Variants in LRATD1 observed in about 807,000 individuals in gnomAD.
LRATD1 encodes the protein protein LRATD1.
In LRATD1, 8 loss-of-function variants were observed where a neutral mutation model predicts 21.3. The ratio of observed to expected loss-of-function variants is 0.38; its 90% CI spans 0.22 to 0.68. The LOEUF is 0.68. LRATD1 is among the 30% of genes least tolerant of loss of function. The probability of loss-of-function intolerance (pLI) is 0.54; values close to 1 mark genes in which losing one functional copy is unlikely to be tolerated. For missense variants in LRATD1, 380 were observed against 404.0 expected (o/e 0.94, Z 0.51); for synonymous variants, 210 against 186.2 (o/e 1.13, Z -1.04).
chr2:14,637,497 T>G lies in LRATD1; in HGVS notation c.*2639T>G, dbSNP rs1035253090. ...CTATATTGGCCTATAAAGGATCAGG[T>G]TGATGATAATACCTCTAAAAATATG... On this transcript the variant is annotated 3_prime_UTR_variant, in exon 2 of 2. Coordinates refer to ENST00000295092, the MANE Select transcript of LRATD1 (RefSeq NM_145175.4). The G allele has an allele frequency of 1.2e-5, 2 of 166,956 alleles. No homozygotes were observed. Among genetic ancestry groups the G allele is most frequent in the African/African-American group, 4.8e-5 (2 of 41,460 alleles). The allele number at this position is 166,956 out of a possible 1,614,324, so 10.3% of individuals were successfully genotyped here.
In LRATD1 at chr2:14,638,069, AAAAAG is replaced by A. The variant is rs1343188049; in HGVS notation, c.*3218_*3222del. On this transcript the variant is annotated 3_prime_UTR_variant, in exon 2 of 2. Coordinates refer to ENST00000295092, the MANE Select transcript of LRATD1 (RefSeq NM_145175.4). The stretch of plus-strand genomic sequence containing the variant: ...AAACAAACTATGATTTAAAAAAAGA[AAAAAG>A]AAAAGACAGGTACTTTTACTTCAAA... 2 of 166,964 alleles carry A rather than the reference AAAAAG, an allele frequency of 1.2e-5. No individual in the cohort carries two copies. Among genetic ancestry groups the A allele is most frequent in the African/African-American group, 4.8e-5 (2 of 41,412 alleles). 10.3% of individuals were successfully genotyped at this position (166,964 alleles called of 1,614,324 possible). A position where few individuals can be genotyped will look rare whatever the true frequency, so the allele number is the denominator to read the frequency against.
exon 5 of LRATD1, chr2:14,649,373 A>ACTCCTTGTATTGCAACT (rs1671962067): frequency 4.4e-6 from 2 of 456,034 alleles, no homozygotes; most frequent in Admixed American, 4.7e-5. Flanking sequence ...CCAACCACCA[A>ACTCCTTGTATTGCAACT]CTCCTTGTAT....
Position 14,634,694 on chromosome 2 carries a change from C to G in LRATD1, c.715C>G (p.Pro239Ala). 6 of 1,549,344 alleles carry G rather than the reference C, an allele frequency of 3.9e-6. No individual in the cohort carries two copies. The Middle Eastern group carries it at 8.7e-4, about 224-fold the overall frequency. Residue 239 changes from proline to alanine, a missense_variant, in exon 2 of 2, where the codon CCG becomes GCG. Coordinates refer to ENST00000295092, the MANE Select transcript of LRATD1 (RefSeq NM_145175.4). ...GGEVPAGTQPPQQQYYLKVHL... is the reference protein window; with the variant it reads ...GGEVPAGTQPAQQQYYLKVHL... The stretch of plus-strand genomic sequence containing the variant: ...GGAGGTGCCGGCAGGCACGCAGCCC[C>G]CGCAGCAGCAGTACTATCTCAAGGT...
downstream of LRATD1, among the ~76,000 whole-genome samples, chr2:14,641,135 T>C (rs909213625): frequency 6.6e-6 from 1 of 152,162 alleles, no homozygotes; most frequent in Non-Finnish European, 1.5e-5. Context: ...TTATCAACTC[T>C]AAGAAGCAAT....
intron 4 of LRATD1, among the ~76,000 whole-genome samples, chr2:14,647,616 A>G (rs1340354090): frequency 6.6e-6 from 1 of 152,078 alleles, no homozygotes; most frequent in African/African-American, 2.4e-5. Context: ...CCCTATAAAA[A>G]GACACTTAAG....
rs997789852 is a variant in LRATD1, at chr2:14,635,516, G to A, written c.*658G>A. On this transcript the variant is annotated 3_prime_UTR_variant, in exon 2 of 2. Coordinates refer to ENST00000295092, the MANE Select transcript of LRATD1 (RefSeq NM_145175.4). ...TCCAGGCTGCGGGCTAAGCCAGACA[G>A]TGTTTGCCTCCGGTTCTTTCCACCG... 4.2e-6 allele frequency: 2 copies of A among 471,100 alleles called. No homozygotes were observed. Among genetic ancestry groups the A allele is most frequent in the African/African-American group, 2.0e-5 (1 of 50,096 alleles). 29.2% of individuals were successfully genotyped at this position (471,100 alleles called of 1,614,324 possible).
chr2:14,650,892 G>T (rs1393824739), downstream of LRATD1: 2 of 152,122 alleles, frequency 1.3e-5, no homozygotes, highest in Non-Finnish European at 2.9e-5. Context: ...GAACATGAAA[G>T]ATTTTAGGAT....
At chr2:14,650,525 C>T (rs546936872), downstream of LRATD1, 179 of 152,262 alleles carry the variant, frequency 1.2e-3, no homozygotes, top group African/African-American at 4.1e-3. Flanking sequence ...TCATATAAAA[C>T]CACTATTCAC....
At position 14,639,536 on chromosome 2, in the gene LRATD1, A is replaced by G. The variant is rs1671765088; in HGVS notation, c.*4678A>G. On this transcript the variant is annotated 3_prime_UTR_variant, in exon 2 of 2. Transcript: ENST00000295092. ...ATAAAATCCCATTATTTCATAACTCAAAGTTTACCTTTGAGGTTGTATGTT... is the reference window on the plus strand; with the variant it reads ...ATAAAATCCCATTATTTCATAACTCGAAGTTTACCTTTGAGGTTGTATGTT... 6.0e-6 allele frequency: 1 copy of G among 167,022 alleles called. No homozygotes were observed. Among genetic ancestry groups the G allele is most frequent in the South Asian group, 2.1e-4 (1 of 4,832 alleles). 10.3% of individuals were successfully genotyped at this position (167,022 alleles called of 1,614,324 possible).
chr2:14,651,567 T>C (rs1471800797), downstream of LRATD1, among the ~76,000 whole-genome samples: 1 of 152,166 alleles, frequency 6.6e-6, no homozygotes, highest in African/African-American at 2.4e-5. Flanking sequence ...TCCATCTTCC[T>C]AATTTTCCCA....
In LRATD1 at chr2:14,634,307, G is replaced by A. The variant is rs775832277; in HGVS notation, c.328G>A (p.Val110Ile). 4 of 1,598,506 alleles carry A rather than the reference G, an allele frequency of 2.5e-6. No homozygotes were observed. Among genetic ancestry groups the A allele is most frequent in the Non-Finnish European group, 2.5e-6 (3 of 1,176,666 alleles). Residue 110 changes from valine (V) to isoleucine (I), a missense_variant, in exon 2 of 2, where the codon GTC becomes ATC. Transcript: ENST00000295092. ...TGGCCCTCAGGGCGCCGACCTAAGC[G>A]TCTACGCGGTCACCGCGCTGCCAGC... ...SGGPQGADLS[V>I]YAVTALPALC...
In LRATD1 at chr2:14,636,213, G is replaced by C. The variant is rs1274353369; in HGVS notation, c.*1355G>C. 5.8e-6 allele frequency: 1 copy of C among 171,940 alleles called. No individual in the cohort carries two copies. Among genetic ancestry groups the C allele is most frequent in the East Asian group, 1.9e-4 (1 of 5,376 alleles). 10.7% of individuals were successfully genotyped at this position (171,940 alleles called of 1,614,324 possible). A position where few individuals can be genotyped will look rare whatever the true frequency, so the allele number is the denominator to read the frequency against. Reference sequence around the variant, plus strand: ...CAACAGCAGCCCTAGTAATGGTGGAGTTGTTAATTAATGTGTATATTGTAC... The same window carrying C: ...CAACAGCAGCCCTAGTAATGGTGGACTTGTTAATTAATGTGTATATTGTAC... On this transcript the variant is annotated 3_prime_UTR_variant, in exon 2 of 2. Transcript: ENST00000295092.
rs1285034370 is a variant in LRATD1 at position 14,636,597 on chromosome 2, TGATA to T, written c.*1741_*1744del. On this transcript the variant is annotated 3_prime_UTR_variant, in exon 2 of 2. Coordinates refer to ENST00000295092, the MANE Select transcript of LRATD1 (RefSeq NM_145175.4). The stretch of plus-strand genomic sequence containing the variant: ...CCTCCAGCTGCGGCCCCAGCCTAAC[TGATA>T]GTTACTTGATTCAGTGTGCTAGACA... The T allele has an allele frequency of 6.0e-6, 1 of 167,168 alleles. No homozygotes were observed. The highest frequency in any genetic ancestry group is 1.5e-5 in the Non-Finnish European group (1 of 68,134). 10.4% of individuals were successfully genotyped at this position (167,168 alleles called of 1,614,324 possible).
At position 14,639,443 on chromosome 2, in the gene LRATD1, T is replaced by C. The variant is rs1224115878; in HGVS notation, c.*4585T>C. On this transcript the variant is annotated 3_prime_UTR_variant, in exon 2 of 2. Transcript: ENST00000295092. The stretch of plus-strand genomic sequence containing the variant: ...AATAAACTTTTCAACAGGGGACACC[T>C]GTTCTCCCTTCTAACTGAAGACACT... 1.2e-5 allele frequency: 2 copies of C among 166,854 alleles called. No homozygotes were observed. Among genetic ancestry groups the C allele is most frequent in the Non-Finnish European group, 2.9e-5 (2 of 68,102 alleles). The allele number at this position is 166,854 out of a possible 1,614,324, so 10.3% of individuals were successfully genotyped here.
In LRATD1 at chr2:14,634,347, G is replaced by T; in HGVS notation, c.368G>T (p.Gly123Val). The change falls in exon 2 of 2, where the codon GGC (glycine) becomes GTC (valine). Residue 123 changes from glycine (G) to valine (V), a missense_variant. Coordinates refer to ENST00000295092, the MANE Select transcript of LRATD1 (RefSeq NM_145175.4). ...VTALPALCEPGDLLELLWLQP... is the reference protein window; with the variant it reads ...VTALPALCEPVDLLELLWLQP... ...GCGCTGCCAGCGCTCTGCGAACCCG[G>T]CGACCTGCTGGAGCTGCTGTGGCTG... 1 of 1,583,124 alleles carries T rather than the reference G, an allele frequency of 6.3e-7. No individual in the cohort carries two copies.
rs1671692829 is a variant in LRATD1, at chr2:14,636,618, T to C, written c.*1760T>C. The C allele has an allele frequency of 6.0e-6, 1 of 167,192 alleles. No individual in the cohort carries two copies. The allele number at this position is 167,192 out of a possible 1,614,324, so 10.4% of individuals were successfully genotyped here. A position where few individuals can be genotyped will look rare whatever the true frequency, so the allele number is the denominator to read the frequency against. ...TAACTGATAGTTACTTGATTCAGTG[T>C]GCTAGACACTTAAATAGCATCTATG... On this transcript the variant is annotated 3_prime_UTR_variant, in exon 2 of 2. Transcript: ENST00000295092.
chr2:14,635,727 A>C lies in LRATD1; in HGVS notation c.*869A>C. 2 of 426,870 alleles carry C rather than the reference A, an allele frequency of 4.7e-6. No homozygotes were observed. The highest frequency in any genetic ancestry group is 4.9e-6 in the Non-Finnish European group (1 of 205,468). The allele number at this position is 426,870 out of a possible 1,614,324, so 26.4% of individuals were successfully genotyped here. On this transcript the variant is annotated 3_prime_UTR_variant, in exon 2 of 2. Coordinates refer to ENST00000295092, the MANE Select transcript of LRATD1 (RefSeq NM_145175.4). ...GAACTTGAATGTGTGAAGGGCGCTT[A>C]TTGTTCTGAACCCTTGATTGCTCCC...
In LRATD1 at chr2:14,634,174, G is replaced by A; in HGVS notation, c.195G>A (p.Pro65=). ...CCCCCCCGGGTTGCACCCCCTGCCC[G>A]GAGAGCCCCAGCCGCCACCACCACC... The part of the protein sequence containing the change: ...VKAPPGCTPC[P]ESPSRHHHHL... Residue 65 remains proline, a synonymous_variant, in exon 2 of 2, where the codon CCG becomes CCA. Coordinates refer to ENST00000295092, the MANE Select transcript of LRATD1 (RefSeq NM_145175.4). The A allele has an allele frequency of 1.2e-6, 2 of 1,613,318 alleles. No individual in the cohort carries two copies. The highest frequency in any genetic ancestry group is 1.1e-5 in the South Asian group (1 of 91,054).
chr2:14,641,679 A>G (rs1191483700), downstream of LRATD1, among the ~76,000 whole-genome samples: 2 of 152,140 alleles, frequency 1.3e-5, no homozygotes, highest in Non-Finnish European at 2.9e-5. Flanking sequence ...CCCTATCTTC[A>G]CCGACTTGCA....
Sources: allele counts gnomAD v4.1 joint callset (sites outside exome capture counted in the v4.1 genomes callset), GRCh38; gene constraint gnomAD v4.1.1; transcripts MANE v1.5; gene names NCBI Gene and HGNC (gene_info 2026-07-23, HGNC 2026-07-21).